CLEC16A: variants seen among roughly 807,000 people sequenced by gnomAD.
CLEC16A encodes the protein C-type lectin domain containing 16A, also known as protein CLEC16A.
A neutral mutation model predicts 109.5 loss-of-function variants in CLEC16A; 51 were observed. That is an observed-to-expected ratio of 0.47 (90% CI 0.37 to 0.59). CLEC16A has a LOEUF of 0.59. Ranked by LOEUF, CLEC16A falls within the 20% of genes least tolerant of loss-of-function variation. The pLI is 0.00. For missense variants in CLEC16A, 1,339 were observed against 1,394.0 expected (o/e 0.96, Z 0.63); for synonymous variants, 673 against 564.2 (o/e 1.19, Z -2.73).
In CLEC16A at chr16:10,944,742, G is replaced by A; in HGVS notation, c.25G>A (p.Val9Met). 6.2e-7 allele frequency: 1 copy of A among 1,609,358 alleles called. No homozygotes were observed. Among genetic ancestry groups the A allele is most frequent in the African/African-American group, 1.3e-5 (1 of 75,018 alleles). ...CATGTTTGGCCGCTCGCGGAGCTGG[G>A]TGGGCGGGGGCCATGGCAAGACTTC... MFGRSRSW[V>M]GGGHGKTSRN... Residue 9 changes from valine (V) to methionine (M), a missense_variant, in exon 1 of 24, where the codon GTG (valine) becomes ATG (methionine). Coordinates refer to ENST00000409790, the MANE Select transcript of CLEC16A (RefSeq NM_015226.3).
intron 23 of CLEC16A, among the ~76,000 whole-genome samples, chr16:11,175,141 T>A (rs1200961857): frequency 6.6e-6 from 1 of 152,186 alleles, no homozygotes; most frequent in Non-Finnish European, 1.5e-5. Flanking sequence ...AATCCAAGTT[T>A]TTGCTGGAAG....
intron 22 of CLEC16A, among the ~76,000 whole-genome samples, chr16:11,134,126 C>T (rs2053415792): frequency 6.6e-6 from 1 of 152,080 alleles, no homozygotes; most frequent in Non-Finnish European, 1.5e-5. Context: ...CCCTGAGTCC[C>T]ACCACCATGC....
chr16:11,125,686 G>T (rs2153036334), intron 21 of CLEC16A, among the ~76,000 whole-genome samples: 1 of 152,364 alleles, frequency 6.6e-6, no homozygotes, highest in Non-Finnish European at 1.5e-5. Context: ...ATCCAAAGTG[G>T]AAATTGACCC....
At chr16:11,006,552 G>A (rs2045027719) in intron 11 of CLEC16A, among the ~76,000 whole-genome samples, 1 of 152,118 alleles carries the variant, frequency 6.6e-6, no homozygotes, top group Non-Finnish European at 1.5e-5. Flanking sequence ...GGAAAGAGAT[G>A]CTGACACTCT....
At chr16:11,062,852 T>C (rs1254989926) in intron 19 of CLEC16A, among the ~76,000 whole-genome samples, 4 of 150,640 alleles carry the variant, frequency 2.7e-5, no homozygotes, top group African/African-American at 9.8e-5. Flanking sequence ...TAAACCAGTC[T>C]TTCTCTGATT....
chr16:11,057,776 T>C (rs575771654), intron 18 of CLEC16A, among the ~76,000 whole-genome samples: 1 of 152,208 alleles, frequency 6.6e-6, no homozygotes, highest in Admixed American at 6.5e-5. Context: ...AAGCCTTAAA[T>C]CTTTTGGAGG....
chr16:11,012,670 G>GAATTAATGA (rs1375310583), intron 11 of CLEC16A, among the ~76,000 whole-genome samples: 7 of 150,432 alleles, frequency 4.7e-5, no homozygotes, highest in Admixed American at 4.6e-4. Flanking sequence ...GATTTTTGGT[G>GAATTAATGA]AATTAATGAA....
At chr16:11,158,125 A>G (rs527612046) in intron 22 of CLEC16A, among the ~76,000 whole-genome samples, 1 of 152,278 alleles carries the variant, frequency 6.6e-6, no homozygotes, top group African/African-American at 2.4e-5. Context: ...CAAGGGGAGA[A>G]ATAAGGCCAT....
At chr16:11,020,404 C>T (rs2046027152) in intron 12 of CLEC16A, 79 bp downstream of exon 12, 1 of 1,442,936 alleles carries the variant, frequency 6.9e-7, no homozygotes, top group East Asian at 2.6e-5. Flanking sequence ...AGCCCTAGGG[C>T]CAGAGCCTCT....
chr16:11,127,265 A>G (rs1301574921), intron 22 of CLEC16A, among the ~76,000 whole-genome samples: 2 of 152,228 alleles, frequency 1.3e-5, no homozygotes, highest in Admixed American at 6.5e-5. Context: ...ATTAACACGT[A>G]TAAATCAACC....
chr16:11,177,197 G>A (rs771384398), intron 23 of CLEC16A, among the ~76,000 whole-genome samples: 1 of 152,184 alleles, frequency 6.6e-6, no homozygotes, highest in African/African-American at 2.4e-5. Context: ...TAAACACCCG[G>A]CATCTGAAGT....
intron 22 of CLEC16A, among the ~76,000 whole-genome samples, chr16:11,145,909 G>A (rs564994958): frequency 5.9e-5 from 9 of 152,278 alleles, no homozygotes; most frequent in South Asian, 2.1e-4. Flanking sequence ...GTAGCCCCAC[G>A]TTTTACACAG....
rs1408116233 is a variant in CLEC16A, at chr16:11,174,357, G to A, written c.2807-3978G>A. The A allele has an allele frequency of 2.5e-6, 1 of 394,036 alleles. No homozygotes were observed. The highest frequency in any genetic ancestry group is 2.1e-5 in the African/African-American group (1 of 48,674). 24.4% of individuals were successfully genotyped at this position (394,036 alleles called of 1,614,324 possible). A position where few individuals can be genotyped will look rare whatever the true frequency, so the allele number is the denominator to read the frequency against. ...TTCCACAGTCGGCAGGGTCCGCGCT[G>A]GCAAGGTGGGCCAAGCTGGGCCTGA... is the stretch of plus-strand genomic sequence containing the variant. On this transcript the variant is annotated intron_variant, in intron 23 of 23. Coordinates refer to ENST00000409790, the MANE Select transcript of CLEC16A (RefSeq NM_015226.3). This position sits in a 1 kb window ranked among gnomAD's most constrained non-coding sequence, Gnocchi z 4.7.
At chr16:11,006,722 G>A (rs2045040812) in intron 11 of CLEC16A, among the ~76,000 whole-genome samples, 1 of 152,088 alleles carries the variant, frequency 6.6e-6, no homozygotes. Context: ...TGTTGTTGTT[G>A]TTATTTTTTA....
chr16:11,106,425 A>G (rs2051223058), intron 19 of CLEC16A, among the ~76,000 whole-genome samples: 2 of 146,728 alleles, frequency 1.4e-5, no homozygotes, highest in African/African-American at 2.5e-5. Flanking sequence ...AGCAGCTAGG[A>G]TTACAGGTGT....
intron 23 of CLEC16A, among the ~76,000 whole-genome samples, chr16:11,171,614 C>T (rs1597629229): frequency 6.6e-6 from 1 of 152,236 alleles, no homozygotes; most frequent in East Asian, 1.9e-4. Flanking sequence ...CATTTTTTCC[C>T]CTTAAACATT....
At chr16:11,074,037 G>A (rs574920437) in intron 19 of CLEC16A, among the ~76,000 whole-genome samples, 52 of 152,282 alleles carry the variant, frequency 3.4e-4, no homozygotes, top group South Asian at 2.1e-4. Context: ...CATATACCAA[G>A]TATCTTAAAC....
At chr16:10,998,004 T>G (rs2152741023) in intron 10 of CLEC16A, among the ~76,000 whole-genome samples, 1 of 152,338 alleles carries the variant, frequency 6.6e-6, no homozygotes. Context: ...TCTCCTCTCG[T>G]TCACTCAGGC....
At chr16:11,004,600 G>A (rs559341157) in intron 11 of CLEC16A, among the ~76,000 whole-genome samples, 2 of 152,174 alleles carry the variant, frequency 1.3e-5, no homozygotes, top group African/African-American at 2.4e-5. Flanking sequence ...AGAGCCACTC[G>A]TTCAGTGACT....
Sources: gnomAD v4.1 joint callset for allele counts (sites outside exome capture counted in the v4.1 genomes callset) on GRCh38, gnomAD v4.1.1 for gene constraint, Gnocchi (gnomAD v3.1) non-coding constraint, MANE v1.5 for transcripts, NCBI Gene and HGNC (gene_info 2026-07-23, HGNC 2026-07-21) for gene names.